MED27: variants seen among roughly 807,000 people sequenced by gnomAD.
MED27 encodes the protein mediator complex subunit 27.
In MED27, 30 loss-of-function variants were observed where a neutral mutation model predicts 38.2. The observed-to-expected ratio is 0.79, with a 90% CI of 0.59 to 1.07. The LOEUF (loss-of-function observed/expected upper bound fraction) is 1.07, where lower values mean the gene tolerates loss of function less well. Ranked by LOEUF, MED27 falls within the 50% of genes least tolerant of loss-of-function variation. The pLI is 0.00. For synonymous variants in MED27, 122 were observed against 153.5 expected (o/e 0.79, Z 1.52); for missense variants, 289 against 397.5 (o/e 0.73, Z 2.32).
At chr9:131,953,883 T>C (rs1831045567) in intron 3 of MED27, among the ~76,000 whole-genome samples, 1 of 151,216 alleles carries the variant, frequency 6.6e-6, no homozygotes, top group Admixed American at 6.6e-5. Flanking sequence ...AGTGGCATGA[T>C]CTTGGCTCAC....
chr9:131,926,094 C>T (rs1830478116), intron 4 of MED27, among the ~76,000 whole-genome samples: 1 of 152,034 alleles, frequency 6.6e-6, no homozygotes, highest in Non-Finnish European at 1.5e-5. Flanking sequence ...CTCTGGCCAC[C>T]CCGCTTCTGT....
chr9:131,931,524 C>T (rs931817661), intron 4 of MED27, among the ~76,000 whole-genome samples: 3 of 152,132 alleles, frequency 2.0e-5, no homozygotes, highest in Admixed American at 1.3e-4. Flanking sequence ...GAACTAACTC[C>T]AATCAAATAT....
At position 132,003,927 on chromosome 9, in the gene MED27, A is replaced by G. The variant is rs2131061483; in HGVS notation, c.479+10410T>C. On this transcript the variant is annotated intron_variant, in intron 3 of 7. Coordinates refer to ENST00000292035, the MANE Select transcript of MED27 (RefSeq NM_004269.4). This position sits in a 1 kb window ranked among gnomAD's most constrained non-coding sequence, Gnocchi z 4.2. The stretch of plus-strand genomic sequence containing the variant: ...AGATTCCCGGTGTGGTCAAACATAC[A>G]TCTGGCCTGTGGAAAGTACATAAAG... Among the ~76,000 whole-genome samples the G allele has an allele frequency of 6.6e-6, 1 of 152,312 alleles. No individual in the cohort carries two copies. The highest frequency in any genetic ancestry group is 2.1e-4 in the South Asian group (1 of 4,824).
At chr9:132,055,726 A>C (rs1833562662) in intron 2 of MED27, among the ~76,000 whole-genome samples, 1 of 152,256 alleles carries the variant, frequency 6.6e-6, no homozygotes, top group Non-Finnish European at 1.5e-5. Context: ...GTTCACTGGA[A>C]CCAAGAAAGC....
intron 3 of MED27, among the ~76,000 whole-genome samples, chr9:131,966,331 C>T (rs1831345575): frequency 7.4e-6 from 1 of 135,086 alleles, no homozygotes; most frequent in Non-Finnish European, 1.5e-5. Flanking sequence ...CTGCAGTAAG[C>T]CATAATTGTG....
At chr9:131,928,198 T>C (rs1310672722) in intron 4 of MED27, among the ~76,000 whole-genome samples, 1 of 152,028 alleles carries the variant, frequency 6.6e-6, no homozygotes, top group Non-Finnish European at 1.5e-5. Flanking sequence ...CTTAGGAAAA[T>C]GCCGTCTTTC....
intron 4 of MED27, among the ~76,000 whole-genome samples, chr9:131,932,265 C>T (rs889665602): frequency 2.6e-5 from 4 of 151,276 alleles, no homozygotes; most frequent in Non-Finnish European, 5.9e-5. Context: ...ACAATATGCT[C>T]CTGAATGACC....
rs150676079 is a variant in MED27, at chr9:131,886,246, T to A, written c.682-2147A>T. Among the ~76,000 whole-genome samples, 277 of 152,312 alleles carry A rather than the reference T, an allele frequency of 1.8e-3. 2 individuals carry two copies. Among genetic ancestry groups the A allele is most frequent in the Non-Finnish European group, 3.0e-3 (207 of 68,022 alleles). On this transcript the variant is annotated intron_variant, in intron 5 of 7. Transcript: ENST00000292035. ...ACAATTAGTTTCATGAAAATTTCACTGTGTTTGAAAACTTTTAGGACAGTA... is the reference window on the plus strand; with the variant it reads ...ACAATTAGTTTCATGAAAATTTCACAGTGTTTGAAAACTTTTAGGACAGTA...
chr9:132,062,223 G>A (rs1346272636), intron 2 of MED27, among the ~76,000 whole-genome samples: 2 of 152,196 alleles, frequency 1.3e-5, no homozygotes, highest in African/African-American at 4.8e-5. Flanking sequence ...GAAATACAAT[G>A]GGGAACATGC....
chr9:132,035,475 T>C (rs1168685555), intron 2 of MED27, among the ~76,000 whole-genome samples: 2 of 151,830 alleles, frequency 1.3e-5, no homozygotes, highest in Admixed American at 6.6e-5. Context: ...AGGAGGACCA[T>C]GAAAAACGCA....
chr9:132,075,468 A>T (rs1243651167), intron 2 of MED27, among the ~76,000 whole-genome samples: 1 of 152,190 alleles, frequency 6.6e-6, no homozygotes, highest in Non-Finnish European at 1.5e-5. Flanking sequence ...ATGCATACGG[A>T]TATTTTTAAC....
intron 4 of MED27, among the ~76,000 whole-genome samples, chr9:131,930,778 A>C (rs930544102): frequency 5.3e-5 from 8 of 152,238 alleles, no homozygotes; most frequent in Admixed American, 4.6e-4. Flanking sequence ...CTAAACAATG[A>C]TCCAATCAAA....
chr9:131,904,968 A>G (rs1589197961), intron 4 of MED27, among the ~76,000 whole-genome samples: 1 of 152,362 alleles, frequency 6.6e-6, no homozygotes, highest in South Asian at 2.1e-4. Flanking sequence ...TTCAATAATA[A>G]CAACACAAGT....
rs1838628864 is a variant in MED27, at chr9:131,860,180, C to A, written c.*358G>T. 3.9e-5 allele frequency: 8 copies of A among 202,654 alleles called. No individual in the cohort carries two copies. The South Asian group carries it at 1.2e-3, about 32-fold the overall frequency. The allele number at this position is 202,654 out of a possible 1,614,324, so 12.6% of individuals were successfully genotyped here. A position where few individuals can be genotyped will look rare whatever the true frequency, so the allele number is the denominator to read the frequency against. ...ACCCAAGCCCCACAAAACACAAGAA[C>A]CCCGCATGACGATACCCATGAACAC... is the stretch of plus-strand genomic sequence containing the variant. On this transcript the variant is annotated 3_prime_UTR_variant, in exon 8 of 8. Transcript: ENST00000292035. The surrounding 1 kb of genome is among the most constrained non-coding windows in gnomAD (Gnocchi z 5.8).
At chr9:131,893,450 C>A (rs1268017844) in intron 5 of MED27, among the ~76,000 whole-genome samples, 1 of 152,190 alleles carries the variant, frequency 6.6e-6, no homozygotes, top group African/African-American at 2.4e-5. Context: ...TGCACAGCCA[C>A]TTCCTAAGGG....
chr9:132,079,591 G>A, intron 1 of MED27, 51 bp downstream of exon 1: 1 of 1,573,476 alleles, frequency 6.4e-7, no homozygotes, highest in Non-Finnish European at 8.7e-7. Flanking sequence ...CGTAGGGGCA[G>A]GGTCGGAGCG....
intron 4 of MED27, among the ~76,000 whole-genome samples, chr9:131,922,090 G>A (rs999644192): frequency 2.6e-5 from 4 of 151,668 alleles, no homozygotes; most frequent in African/African-American, 9.7e-5. Context: ...GTTAACGGAT[G>A]CAGCACACCA....
intron 4 of MED27, among the ~76,000 whole-genome samples, chr9:131,899,063 T>C (rs1314319271): frequency 1.3e-5 from 2 of 152,244 alleles, no homozygotes; most frequent in South Asian, 4.1e-4. Context: ...AGTGAGACAA[T>C]GCACAGGTGA....
intron 2 of MED27, among the ~76,000 whole-genome samples, chr9:132,033,874 AT>A (rs1409640006): frequency 2.0e-4 from 30 of 152,238 alleles, no homozygotes; most frequent in Admixed American, 1.9e-3. Flanking sequence ...CACTATTTGT[AT>A]TTTGAAAGTT....
Sources: gnomAD v4.1 joint callset for allele counts (sites outside exome capture counted in the v4.1 genomes callset) on GRCh38, gnomAD v4.1.1 for gene constraint, Gnocchi (gnomAD v3.1) non-coding constraint, MANE v1.5 for transcripts, NCBI Gene and HGNC (gene_info 2026-07-23, HGNC 2026-07-21) for gene names.